Variants in TINAG observed in about 807,000 individuals in gnomAD.
TINAG encodes the protein tubulointerstitial nephritis antigen.
In TINAG, 83 loss-of-function variants were observed where a neutral mutation model predicts 72.7. The observed-to-expected ratio is 1.14, with a 90% CI of 0.96 to 1.37. The LOEUF (loss-of-function observed/expected upper bound fraction) is 1.37, where lower values mean the gene tolerates loss of function less well. Ranked by LOEUF, TINAG falls within the 40% of genes most tolerant of loss-of-function variation. The pLI is 0.00. For missense variants in TINAG, 685 were observed against 576.6 expected, an observed-to-expected ratio of 1.19 and a Z score of -1.93; for synonymous variants, 234 against 189.9, an observed-to-expected ratio of 1.23 and a Z score of -1.91.
chr6:54,388,940 C>G (rs550321369), intron 10 of TINAG, among the ~76,000 whole-genome samples: 1 of 151,880 alleles, frequency 6.6e-6, no homozygotes, highest in Non-Finnish European at 1.5e-5. Flanking sequence ...TTGTCTGTAC[C>G]CTCTTAAATC....
intron 10 of TINAG, among the ~76,000 whole-genome samples, chr6:54,384,079 C>A (rs1240912740): frequency 6.6e-6 from 1 of 152,094 alleles, no homozygotes; most frequent in Admixed American, 6.5e-5. Context: ...TGGAAACCAT[C>A]ATTCTCAGCA....
At chr6:54,315,198 T>C (rs1018563864) in intron 1 of TINAG, among the ~76,000 whole-genome samples, 1 of 152,166 alleles carries the variant, frequency 6.6e-6, no homozygotes, top group African/African-American at 2.4e-5. Flanking sequence ...GTTCAGTTCC[T>C]CTTATTGTGC....
At chr6:54,347,280 C>T (rs897677139) in intron 5 of TINAG, 87 bp from the exon 6 acceptor site, 57 of 1,347,392 alleles carry the variant, frequency 4.2e-5, no homozygotes, top group East Asian at 2.2e-4. Context: ...TTAAAGACTA[C>T]GTTAGGGTTC....
chr6:54,352,917 G>A (rs1480707125), intron 8 of TINAG, among the ~76,000 whole-genome samples: 1 of 151,696 alleles, frequency 6.6e-6, no homozygotes, highest in Non-Finnish European at 1.5e-5. Flanking sequence ...AAAAATGCAA[G>A]TTATTCAACA....
intron 4 of TINAG, among the ~76,000 whole-genome samples, chr6:54,338,473 G>T (rs9474810): frequency 0.011 from 1,612 of 152,102 alleles, 24 homozygotes; most frequent in African/African-American, 0.037. Context: ...TGTAATCTCA[G>T]CACTTTGGGA....
At chr6:54,320,521 T>G (rs1483088979) in intron 1 of TINAG, 58 bp from the exon 2 acceptor site, 10 of 1,347,676 alleles carry the variant, frequency 7.4e-6, no homozygotes, top group East Asian at 7.0e-5. Context: ...ACATTTTATG[T>G]TAATGCACTT....
At chr6:54,388,057 A>G (rs760573995) in intron 10 of TINAG, among the ~76,000 whole-genome samples, 38 of 152,162 alleles carry the variant, frequency 2.5e-4, no homozygotes, top group Admixed American at 1.2e-3. Flanking sequence ...TAATTATGAA[A>G]TTTTGGATAG....
At chr6:54,380,851 T>C (rs933549562) in intron 10 of TINAG, among the ~76,000 whole-genome samples, 1 of 151,398 alleles carries the variant, frequency 6.6e-6, no homozygotes, top group African/African-American at 2.4e-5. Flanking sequence ...ATCTTCTATA[T>C]TAAACTAAAA....
chr6:54,338,015 T>G (rs1213518677), intron 4 of TINAG, among the ~76,000 whole-genome samples: 1 of 152,234 alleles, frequency 6.6e-6, no homozygotes, highest in Non-Finnish European at 1.5e-5. Flanking sequence ...TGTGTTTCTT[T>G]CTTTTTACTA....
intron 1 of TINAG, 79 bp from the exon 2 acceptor site, chr6:54,320,500 G>A (rs1784465600): frequency 1.3e-5 from 15 of 1,194,032 alleles, no homozygotes; most frequent in Non-Finnish European, 1.7e-5. Flanking sequence ...AGCTAACTAT[G>A]ATTTTTGATT....
In TINAG at chr6:54,351,389, C is replaced by A. The variant is rs766194489; in HGVS notation, c.1118C>A (p.Pro373Gln). 4.3e-6 allele frequency: 7 copies of A among 1,609,928 alleles called. No individual in the cohort carries two copies. In the African/African-American group the frequency reaches 9.4e-5, roughly 22 times the overall value. Residue 373 changes from proline to glutamine, a missense_variant, in exon 8 of 11, where the codon CCA becomes CAA. By Grantham distance (76) the Pro-to-Gln change is moderately conservative. Coordinates refer to ENST00000259782, the MANE Select transcript of TINAG (RefSeq NM_014464.4). ...ATGAAAGAAATCATGCAAAATGGACCAGTTCAAGGTAAGCTTGAATGAAAT... is the reference window on the plus strand; with the variant it reads ...ATGAAAGAAATCATGCAAAATGGACAAGTTCAAGGTAAGCTTGAATGAAAT... The part of the protein sequence containing the change: ...EIMKEIMQNG[P>Q]VQAIMQVRED...
intron 10 of TINAG, among the ~76,000 whole-genome samples, chr6:54,385,879 ATTTTTTTTTTT>A (rs557831982): frequency 3.7e-5 from 3 of 80,756 alleles, no homozygotes; most frequent in Admixed American, 1.5e-4. Flanking sequence ...AAAAAACATG[ATTTTTTTTTTT>A]TTTTTTTTTT....
At chr6:54,352,546 A>G (rs1785291333) in intron 8 of TINAG, among the ~76,000 whole-genome samples, 1 of 151,796 alleles carries the variant, frequency 6.6e-6, no homozygotes, top group Admixed American at 6.6e-5. Context: ...TTAATCTCTA[A>G]TTTCAATGCA....
intron 7 of TINAG, 124 bp downstream of exon 7, chr6:54,350,020 A>C: frequency 1.6e-6 from 1 of 614,460 alleles, no homozygotes; most frequent in Non-Finnish European, 2.3e-6. Flanking sequence ...TTATATTTTC[A>C]TGTATAATTT....
intron 9 of TINAG, among the ~76,000 whole-genome samples, chr6:54,370,821 T>C (rs1763581046): frequency 6.6e-6 from 1 of 152,082 alleles, no homozygotes; most frequent in Non-Finnish European, 1.5e-5. Flanking sequence ...GCCTTGTCTG[T>C]CAGTACTGAA....
chr6:54,354,248 G>T (rs1172424695), intron 8 of TINAG, among the ~76,000 whole-genome samples: 1 of 151,836 alleles, frequency 6.6e-6, no homozygotes, highest in African/African-American at 2.4e-5. Flanking sequence ...TTTGGTAGTA[G>T]CGTCTCTGTT....
At chr6:54,341,032 A>T (rs1784984807) in intron 4 of TINAG, among the ~76,000 whole-genome samples, 1 of 152,078 alleles carries the variant, frequency 6.6e-6, no homozygotes, top group African/African-American at 2.4e-5. Flanking sequence ...AACCCTGCTG[A>T]ATTGTGTTTA....
At chr6:54,347,611 T>C (rs1338207655) in intron 6 of TINAG, 94 bp downstream of exon 6, 1 of 1,292,644 alleles carries the variant, frequency 7.7e-7, no homozygotes, top group Non-Finnish European at 1.1e-6. Flanking sequence ...TACAAAAAAG[T>C]ACTTAAAAAT....
At chr6:54,360,097 G>GA (rs1763178056) in intron 9 of TINAG, among the ~76,000 whole-genome samples, 1 of 151,684 alleles carries the variant, frequency 6.6e-6, no homozygotes, top group Non-Finnish European at 1.5e-5. Flanking sequence ...GGAGTTTAGC[G>GA]GGTGAGGCAG....
Sources: allele counts gnomAD v4.1 joint callset (sites outside exome capture counted in the v4.1 genomes callset), GRCh38; gene constraint gnomAD v4.1.1; transcripts MANE v1.5; gene names NCBI Gene and HGNC (gene_info 2026-07-23, HGNC 2026-07-21).